PPM1E: variants seen among roughly 807,000 people sequenced by gnomAD.
PPM1E encodes protein phosphatase 1E.
In PPM1E, 20 loss-of-function variants were observed where a neutral mutation model predicts 65.9. The ratio of observed to expected loss-of-function variants is 0.30; its 90% confidence interval spans 0.21 to 0.44. The LOEUF is 0.44. Ranked by LOEUF, PPM1E falls within the 20% of genes least tolerant of loss-of-function variation. PPM1E has a pLI of 1.00. For missense variants in PPM1E, 713 were observed against 953.1 expected (o/e 0.75, Z 3.32); for synonymous variants, 352 against 374.9 (o/e 0.94, Z 0.70).
intron 1 of PPM1E, among the ~76,000 whole-genome samples, chr17:58,833,324 G>GT (rs1433169463): frequency 6.7e-6 from 1 of 149,086 alleles, no homozygotes; most frequent in Non-Finnish European, 1.5e-5. Context: ...TGTTATGTAA[G>GT]TGGAATCATC....
chr17:58,773,688 T>G (rs1002716421), intron 1 of PPM1E, among the ~76,000 whole-genome samples: 1 of 152,190 alleles, frequency 6.6e-6, no homozygotes, highest in African/African-American at 2.4e-5. Context: ...TTTAATGAAT[T>G]AAAACATAGC....
At chr17:58,947,025 A>G (rs894534013) in intron 1 of PPM1E, among the ~76,000 whole-genome samples, 1 of 151,156 alleles carries the variant, frequency 6.6e-6, no homozygotes, top group African/African-American at 2.4e-5. Context: ...AAGGGGTCCA[A>G]CTTGATTATT....
intron 1 of PPM1E, among the ~76,000 whole-genome samples, chr17:58,768,966 G>A (rs917697655): frequency 6.6e-6 from 1 of 151,988 alleles, no homozygotes; most frequent in Non-Finnish European, 1.5e-5. Context: ...AATGCGCCTG[G>A]CCTATTGCTG....
intron 1 of PPM1E, among the ~76,000 whole-genome samples, chr17:58,779,677 T>C (rs934212026): frequency 1.3e-5 from 2 of 152,188 alleles, no homozygotes; most frequent in African/African-American, 4.8e-5. Context: ...AAAGTGTATG[T>C]GACTGTATTT....
At chr17:58,926,987 TTG>T (rs2051830462) in intron 1 of PPM1E, among the ~76,000 whole-genome samples, 1 of 152,162 alleles carries the variant, frequency 6.6e-6, no homozygotes. Context: ...AATTCAGACT[TTG>T]TGTTATTTTA....
chr17:58,790,397 T>C (rs1185591384), intron 1 of PPM1E, among the ~76,000 whole-genome samples: 1 of 152,126 alleles, frequency 6.6e-6, no homozygotes, highest in Admixed American at 6.5e-5. Flanking sequence ...GAAAGGCAGG[T>C]ATTAAACAAA....
intron 1 of PPM1E, among the ~76,000 whole-genome samples, chr17:58,811,047 G>A (rs1228926095): frequency 2.0e-5 from 3 of 152,098 alleles, no homozygotes; most frequent in South Asian, 2.1e-4. Context: ...TGGTAGAGAC[G>A]GGGTTTCGCC....
intron 1 of PPM1E, among the ~76,000 whole-genome samples, chr17:58,952,509 T>A (rs2052253542): frequency 6.6e-6 from 1 of 152,138 alleles, no homozygotes; most frequent in East Asian, 1.9e-4. Flanking sequence ...GTGAGGCTGT[T>A]TATCAGGCCA....
At chr17:58,967,462 A>G (rs2030322455) in intron 3 of PPM1E, among the ~76,000 whole-genome samples, 1 of 151,742 alleles carries the variant, frequency 6.6e-6, no homozygotes, top group East Asian at 1.9e-4. Context: ...AGGCTATAAA[A>G]TGTCATGCAC....
chr17:58,790,850 C>T (rs1256051690), intron 1 of PPM1E, among the ~76,000 whole-genome samples: 1 of 152,014 alleles, frequency 6.6e-6, no homozygotes, highest in Non-Finnish European at 1.5e-5. Context: ...TCGAGAACTA[C>T]AGATCTGAGC....
intron 1 of PPM1E, among the ~76,000 whole-genome samples, chr17:58,944,330 C>G (rs1489387541): frequency 6.6e-6 from 1 of 152,078 alleles, no homozygotes; most frequent in Admixed American, 6.5e-5. Context: ...TTCTTTGTTC[C>G]TTCTCTACTC....
intron 1 of PPM1E, among the ~76,000 whole-genome samples, chr17:58,913,147 A>C (rs2051647056): frequency 6.6e-6 from 1 of 152,212 alleles, no homozygotes; most frequent in Admixed American, 6.5e-5. Flanking sequence ...CCTAATTTAT[A>C]GTGAGTTGGT....
chr17:58,756,473 G>A lies in PPM1E; in HGVS notation c.464+12G>A. The A allele has an allele frequency of 3.9e-6, 5 of 1,275,686 alleles. No individual in the cohort carries two copies. The Admixed American group carries it at 1.7e-4, about 43-fold the overall frequency. The allele number at this position is 1,275,686 out of a possible 1,614,324, so 79.0% of individuals were successfully genotyped here. A position where few individuals can be genotyped will look rare whatever the true frequency, so the allele number is the denominator to read the frequency against. On this transcript the variant is annotated intron_variant, in intron 1 of 6. Transcript: ENST00000308249. ...CAGCTCTACAAATAGTTAAGTAGCT[G>A]GGCTTGGCTGGTGGTGGGCCCGCGG... is the stretch of plus-strand genomic sequence containing the variant.
intron 1 of PPM1E, among the ~76,000 whole-genome samples, chr17:58,893,720 A>G (rs1023787730): frequency 6.6e-6 from 1 of 152,032 alleles, no homozygotes; most frequent in African/African-American, 2.4e-5. Flanking sequence ...CACAGGGATT[A>G]TATGGGAACT....
chr17:58,950,839 C>T (rs569682516), intron 1 of PPM1E, among the ~76,000 whole-genome samples: 169 of 145,404 alleles, frequency 1.2e-3, no homozygotes, highest in African/African-American at 4.0e-3. Flanking sequence ...AGTGCAGCGG[C>T]GTGATCTCTG....
chr17:58,933,813 A>G (rs1420140269), intron 1 of PPM1E, among the ~76,000 whole-genome samples: 6 of 147,632 alleles, frequency 4.1e-5, no homozygotes, highest in Non-Finnish European at 7.5e-5. Context: ...AAAAAAAAAA[A>G]AGGCTGGGCG....
chr17:58,878,539 T>C (rs1241030014), intron 1 of PPM1E, among the ~76,000 whole-genome samples: 1 of 149,382 alleles, frequency 6.7e-6, no homozygotes, highest in East Asian at 2.1e-4. Flanking sequence ...CCACCACGCC[T>C]AGCCAGAATA....
chr17:58,944,710 TA>T (rs746608299), intron 1 of PPM1E, among the ~76,000 whole-genome samples: 2 of 152,356 alleles, frequency 1.3e-5, no homozygotes, highest in South Asian at 4.1e-4. Context: ...AGTGTATGAA[TA>T]TATTGCATTT....
intron 1 of PPM1E, among the ~76,000 whole-genome samples, chr17:58,878,873 C>T (rs894743031): frequency 3.3e-5 from 5 of 150,934 alleles, no homozygotes; most frequent in Non-Finnish European, 7.4e-5. Context: ...GCGGACACTC[C>T]AGCCTGGGCA....
Sources: allele counts gnomAD v4.1 joint callset (sites outside exome capture counted in the v4.1 genomes callset), GRCh38; gene constraint gnomAD v4.1.1; transcripts MANE v1.5; gene names NCBI Gene and HGNC (gene_info 2026-07-23, HGNC 2026-07-21).